Variants in CSMD1 observed in about 807,000 individuals in gnomAD.
The protein encoded by CSMD1 is CUB and sushi domain-containing protein 1.
In CSMD1, 213 loss-of-function variants were observed where a neutral mutation model predicts 417.5. The ratio of observed to expected loss-of-function variants is 0.51; its 90% CI spans 0.46 to 0.57. CSMD1 has a LOEUF of 0.57. Ranked by LOEUF, CSMD1 falls within the 20% of genes least tolerant of loss-of-function variation. The probability of loss-of-function intolerance (pLI) is 0.00; values close to 1 mark genes in which losing one functional copy is unlikely to be tolerated. For missense variants in CSMD1, 6,923 were observed against 4,529.7 expected, an observed-to-expected ratio of 1.53 and a Z score of -15.17; for synonymous variants, 2,862 against 1,736.8, an observed-to-expected ratio of 1.65 and a Z score of -16.11.
In CSMD1 at chr8:4,915,563, G is replaced by A. The variant is rs139565652; in HGVS notation, c.85+78769C>T. ...TCTGAGGTGTCATGGACCTGCGTCT[G>A]CAGTAGAGGGCAGGAGCAGGGACAG... is the stretch of plus-strand genomic sequence containing the variant. On this transcript the variant is annotated intron_variant, in intron 1 of 69. Transcript: ENST00000635120. Among the ~76,000 whole-genome samples, 1,169 of 152,304 alleles carry A rather than the reference G, an allele frequency of 7.7e-3. 12 individuals are homozygous for A. Among genetic ancestry groups the A allele is most frequent in the African/African-American group, 0.027 (1,110 of 41,570 alleles).
chr8:4,061,008 GAATT>G (rs1261568691), intron 3 of CSMD1, among the ~76,000 whole-genome samples: 1 of 152,146 alleles, frequency 6.6e-6, no homozygotes, highest in African/African-American at 2.4e-5. Flanking sequence ...GCAAAAAAGA[GAATT>G]AATTTCACAA....
chr8:4,111,112 A>G (rs1409293254), intron 3 of CSMD1, among the ~76,000 whole-genome samples: 1 of 150,400 alleles, frequency 6.6e-6, no homozygotes, highest in South Asian at 2.1e-4. Flanking sequence ...CCTTCTACAA[A>G]GTTTTGTTTT....
At position 3,223,737 on chromosome 8, in the gene CSMD1, T is replaced by C. The variant is rs1367758981; in HGVS notation, c.4476A>G (p.Ile1492Met). The change falls in exon 28 of 70, where the codon ATA (isoleucine) becomes ATG (methionine). Residue 1492 changes from isoleucine (I) to methionine (M), a missense_variant. Coordinates refer to ENST00000635120, the MANE Select transcript of CSMD1 (RefSeq NM_033225.6). Reference protein sequence around the residue: ...KVNPDFVIALIFKSFNMEPSY... With the variant: ...KVNPDFVIALMFKSFNMEPSY... ...TCTGCAAGAGACGGTACCTTTTGAA[T>C]ATCAAGGCGATGACAAAGTCCGGGT... The C allele has an allele frequency of 1.2e-6, 2 of 1,613,902 alleles. No homozygotes were observed. The highest frequency in any genetic ancestry group is 2.2e-5 in the East Asian group (1 of 44,876).
chr8:3,799,694 T>A (rs752217729), intron 5 of CSMD1, among the ~76,000 whole-genome samples: 66 of 151,436 alleles, frequency 4.4e-4, no homozygotes, highest in Non-Finnish European at 5.9e-4. Flanking sequence ...ATCTGACAGT[T>A]AAGTCTGCCA....
chr8:4,256,299 A>C (rs2128835988), intron 3 of CSMD1, among the ~76,000 whole-genome samples: 1 of 152,292 alleles, frequency 6.6e-6, no homozygotes, highest in Non-Finnish European at 1.5e-5. Context: ...GCAGAGTGAA[A>C]TGTACAACAA....
intron 5 of CSMD1, among the ~76,000 whole-genome samples, chr8:3,847,994 T>C (rs891491421): frequency 6.6e-6 from 1 of 152,186 alleles, no homozygotes; most frequent in African/African-American, 2.4e-5. Flanking sequence ...CTCTATTCTG[T>C]GTATCTTGGA....
rs999084009 is a variant in CSMD1 at position 4,161,233 on chromosome 8, C to T, written c.416-129134G>A. 9.2e-5 allele frequency among the ~76,000 whole-genome samples: 14 copies of T among 152,218 alleles called. No individual in the cohort carries two copies. In the Middle Eastern group the frequency reaches 0.01, roughly 111 times the overall value. On this transcript the variant is annotated intron_variant, in intron 3 of 69. Transcript: ENST00000635120. ...TCCATGAACAACCCTCTAAAGCAAG[C>T]ACTCTTACCATCTGCATTTACATGT...
intron 3 of CSMD1, among the ~76,000 whole-genome samples, chr8:4,119,773 G>C (rs758638533): frequency 6.6e-6 from 1 of 152,164 alleles, no homozygotes; most frequent in East Asian, 1.9e-4. Flanking sequence ...TTTTGCTACA[G>C]CAGCCTGAGC....
At chr8:4,732,041 C>T (rs941402922) in intron 1 of CSMD1, among the ~76,000 whole-genome samples, 18 of 152,090 alleles carry the variant, frequency 1.2e-4, no homozygotes, top group African/African-American at 3.9e-4. Flanking sequence ...GCATGCCTCC[C>T]CCATGCCCGT....
intron 10 of CSMD1, among the ~76,000 whole-genome samples, chr8:3,500,058 G>C (rs919146437): frequency 6.6e-6 from 1 of 152,048 alleles, no homozygotes; most frequent in African/African-American, 2.4e-5. Flanking sequence ...GACCTGCTGG[G>C]GATCTCCCAC....
intron 11 of CSMD1, among the ~76,000 whole-genome samples, chr8:3,479,602 A>C (rs1356640752): frequency 6.6e-6 from 1 of 152,224 alleles, no homozygotes; most frequent in Non-Finnish European, 1.5e-5. Flanking sequence ...CAATGGCATA[A>C]ATGCCATTAC....
intron 39 of CSMD1, among the ~76,000 whole-genome samples, chr8:3,156,986 CAAAAAAAAAAAA>C (rs869173951): frequency 1.6e-5 from 1 of 64,452 alleles, no homozygotes; most frequent in South Asian, 6.6e-4. Flanking sequence ...GTTGTTTAGA[CAAAAAAAAAAAA>C]AAAAAAAAAA....
intron 5 of CSMD1, among the ~76,000 whole-genome samples, chr8:3,880,978 A>G (rs1055108466): frequency 2.6e-5 from 4 of 152,204 alleles, no homozygotes; most frequent in Admixed American, 2.0e-4. Flanking sequence ...TTTAAGTACT[A>G]GCAAAGGCAA....
intron 3 of CSMD1, among the ~76,000 whole-genome samples, chr8:4,241,753 G>A (rs1470618453): frequency 6.6e-6 from 1 of 150,742 alleles, no homozygotes; most frequent in Non-Finnish European, 1.5e-5. Context: ...GCCCAGGCTG[G>A]AGTGCAGTGG....
In CSMD1 at chr8:3,004,077, T is replaced by G. The variant is rs962174321; in HGVS notation, c.8030-3946A>C. ...TAGCAAAGGAGGATAAGCAACTCTA[T>G]TCACTGAATTTTTTTTTTAAAGAAA... On this transcript the variant is annotated intron_variant, in intron 52 of 69. Coordinates refer to ENST00000635120, the MANE Select transcript of CSMD1 (RefSeq NM_033225.6). Among the ~76,000 whole-genome samples, 82 of 152,218 alleles carry G rather than the reference T, an allele frequency of 5.4e-4. 1 individual carries two copies. The highest frequency in any genetic ancestry group is 2.0e-3 in the African/African-American group (82 of 41,540).
chr8:4,261,580 T>C (rs1048419805), intron 3 of CSMD1, among the ~76,000 whole-genome samples: 13 of 152,004 alleles, frequency 8.6e-5, no homozygotes, highest in African/African-American at 2.7e-4. Context: ...TTTTACCTAT[T>C]TATTTATTTT....
chr8:4,551,722 G>C (rs912952237), intron 2 of CSMD1, among the ~76,000 whole-genome samples: 15 of 151,908 alleles, frequency 9.9e-5, no homozygotes, highest in Non-Finnish European at 2.9e-5. Context: ...TCCCAGGCTG[G>C]AGTCCAGGCT....
At chr8:3,964,176 T>G (rs916450197) in intron 5 of CSMD1, among the ~76,000 whole-genome samples, 1 of 152,194 alleles carries the variant, frequency 6.6e-6, no homozygotes, top group Non-Finnish European at 1.5e-5. Context: ...TCTTAACAAG[T>G]AAACATTAAA....
At chr8:3,821,383 A>G (rs1047748888) in intron 5 of CSMD1, among the ~76,000 whole-genome samples, 14 of 152,208 alleles carry the variant, frequency 9.2e-5, no homozygotes, top group African/African-American at 3.1e-4. Context: ...AGGTTTGCAT[A>G]TGGCACCATC....
Sources: allele counts gnomAD v4.1 joint callset (sites outside exome capture counted in the v4.1 genomes callset), GRCh38; gene constraint gnomAD v4.1.1; transcripts MANE v1.5; gene names NCBI Gene and HGNC (gene_info 2026-07-23, HGNC 2026-07-21).